Variants in EML4 observed in about 807,000 individuals in gnomAD.
EML4 encodes echinoderm microtubule-associated protein-like 4.
A neutral mutation model predicts 129.0 loss-of-function variants in EML4; 72 were observed. The observed-to-expected ratio is 0.56, with a 90% CI of 0.46 to 0.68. The LOEUF (loss-of-function observed/expected upper bound fraction) is 0.68, where lower values mean the gene tolerates loss of function less well. Among genes scored for constraint, EML4 ranks in the 30% least tolerant of loss-of-function variants. The probability of loss-of-function intolerance (pLI) is 0.00; values close to 1 mark genes in which losing one functional copy is unlikely to be tolerated. For missense variants in EML4, 1,363 were observed against 1,190.6 expected, an observed-to-expected ratio of 1.14 and a Z score of -2.13; for synonymous variants, 532 against 405.0, an observed-to-expected ratio of 1.31 and a Z score of -3.77.
At chr2:42,276,768 G>T (rs1039969458) in intron 6 of EML4, among the ~76,000 whole-genome samples, 3 of 152,166 alleles carry the variant, frequency 2.0e-5, no homozygotes, top group African/African-American at 7.2e-5. Context: ...GTGAAGCTAA[G>T]ATTCAAGTCG....
chr2:42,232,465 A>G (rs2104207905), intron 1 of EML4, among the ~76,000 whole-genome samples: 1 of 152,300 alleles, frequency 6.6e-6, no homozygotes, highest in East Asian at 1.9e-4. Flanking sequence ...CTGGTGATTC[A>G]AGTATAACGA....
intron 1 of EML4, among the ~76,000 whole-genome samples, chr2:42,244,258 C>T (rs899575353): frequency 4.6e-5 from 7 of 151,794 alleles, no homozygotes; most frequent in African/African-American, 9.7e-5. Context: ...GCCACCAAGC[C>T]CGGCTAATTT....
intron 1 of EML4, among the ~76,000 whole-genome samples, chr2:42,245,296 A>G (rs898617550): frequency 4.0e-5 from 6 of 151,322 alleles, no homozygotes; most frequent in South Asian, 2.1e-4. Flanking sequence ...GGGTTTCACC[A>G]TGTTGGCCAT....
At chr2:42,170,486 G>A (rs1670204623) in intron 1 of EML4, among the ~76,000 whole-genome samples, 1 of 152,168 alleles carries the variant, frequency 6.6e-6, no homozygotes, top group Admixed American at 6.5e-5. Flanking sequence ...AAAGGGAAGA[G>A]GTTATTAAAT....
At chr2:42,315,872 C>A in intron 17 of EML4, 90 bp from the exon 18 acceptor site, 1 of 908,144 alleles carries the variant, frequency 1.1e-6, no homozygotes, top group Non-Finnish European at 1.8e-6. Context: ...CAAAGCAAGA[C>A]TCCATCTCAA....
intron 1 of EML4, among the ~76,000 whole-genome samples, chr2:42,200,282 G>A (rs1018188929): frequency 1.3e-5 from 2 of 152,078 alleles, no homozygotes; most frequent in East Asian, 3.9e-4. Context: ...CCGAGATTGG[G>A]CCACTGCACT....
intron 1 of EML4, among the ~76,000 whole-genome samples, chr2:42,177,644 A>G (rs1306411911): frequency 6.6e-6 from 1 of 152,200 alleles, no homozygotes; most frequent in Non-Finnish European, 1.5e-5. Flanking sequence ...CAGACAAACA[A>G]AAACTCATTA....
At chr2:42,263,108 C>G (rs181458054) in intron 4 of EML4, 70 bp from the exon 5 acceptor site, 9 of 1,280,064 alleles carry the variant, frequency 7.0e-6, no homozygotes, top group Admixed American at 6.4e-5. Context: ...CTTTTGTGTT[C>G]TGTTTAAATT....
chr2:42,257,723 G>A (rs1208111009), intron 3 of EML4, among the ~76,000 whole-genome samples: 1 of 151,998 alleles, frequency 6.6e-6, no homozygotes, highest in Non-Finnish European at 1.5e-5. Flanking sequence ...TGTAGTCGCA[G>A]CTACTCAGGA....
intron 1 of EML4, among the ~76,000 whole-genome samples, chr2:42,219,611 G>C (rs1220493665): frequency 6.6e-6 from 1 of 151,990 alleles, no homozygotes; most frequent in Non-Finnish European, 1.5e-5. Context: ...TTTGGTGCAG[G>C]ACAATGCATT....
chr2:42,206,780 A>C (rs1170989003), intron 1 of EML4, among the ~76,000 whole-genome samples: 1 of 152,204 alleles, frequency 6.6e-6, no homozygotes, highest in African/African-American at 2.4e-5. Context: ...AAATAGTAAA[A>C]TTTAAATCAT....
intron 1 of EML4, among the ~76,000 whole-genome samples, chr2:42,194,193 G>A (rs1295194167): frequency 1.3e-5 from 2 of 151,820 alleles, no homozygotes; most frequent in Non-Finnish European, 2.9e-5. Flanking sequence ...GGGATATCCT[G>A]TGGTGTTTGG....
chr2:42,284,563 A>C (rs939544684), intron 8 of EML4, 71 bp from the exon 9 acceptor site: 32 of 1,014,960 alleles, frequency 3.2e-5, no homozygotes, highest in Non-Finnish European at 4.0e-5. Flanking sequence ...TATTTGAAAA[A>C]TGTCAGTACA....
At chr2:42,233,809 A>G (rs532334861) in intron 1 of EML4, among the ~76,000 whole-genome samples, 2 of 152,302 alleles carry the variant, frequency 1.3e-5, no homozygotes, top group African/African-American at 2.4e-5. Flanking sequence ...ATTCATGTGG[A>G]TTTCATTGTA....
At chr2:42,258,181 AC>A (rs1665468871) in intron 3 of EML4, among the ~76,000 whole-genome samples, 2 of 152,118 alleles carry the variant, frequency 1.3e-5, no homozygotes, top group Admixed American at 6.6e-5. Context: ...CTTTTAAATA[AC>A]CCAGAAGGAA....
At chr2:42,286,228 A>C in intron 9 of EML4, 41 bp from the exon 10 acceptor site, 3 of 1,136,620 alleles carry the variant, frequency 2.6e-6, no homozygotes, top group Non-Finnish European at 4.0e-6. Flanking sequence ...GTTTATTTGC[A>C]TCCACCTGTC....
At chr2:42,192,243 T>TTTG (rs1553360921) in intron 1 of EML4, among the ~76,000 whole-genome samples, 11 of 145,134 alleles carry the variant, frequency 7.6e-5, no homozygotes, top group African/African-American at 3.0e-4. Flanking sequence ...TTTTTTTTTT[T>TTTG]GGGGGGGGGA....
At chr2:42,310,943 T>C (rs1285730392) in intron 17 of EML4, among the ~76,000 whole-genome samples, 1 of 152,230 alleles carries the variant, frequency 6.6e-6, no homozygotes, top group African/African-American at 2.4e-5. Context: ...ATGGAAGTTG[T>C]ATATCTTTAA....
At chr2:42,186,465 A>T (rs1463756094) in intron 1 of EML4, among the ~76,000 whole-genome samples, 1 of 152,234 alleles carries the variant, frequency 6.6e-6, no homozygotes, top group Non-Finnish European at 1.5e-5. Context: ...ACACATTCCT[A>T]AGAAATGTAT....
Sources: gnomAD v4.1 joint callset for allele counts (sites outside exome capture counted in the v4.1 genomes callset) on GRCh38, gnomAD v4.1.1 for gene constraint, MANE v1.5 for transcripts, NCBI Gene and HGNC (gene_info 2026-07-23, HGNC 2026-07-21) for gene names.